KCNC4: variants seen among roughly 807,000 people sequenced by gnomAD.
The protein encoded by KCNC4 is potassium voltage-gated channel subfamily C member 4.
Under a neutral mutation model 42.8 loss-of-function variants are expected in KCNC4, and 23 were observed. The observed-to-expected ratio is 0.54, with a 90% CI of 0.39 to 0.76. The LOEUF is 0.76. KCNC4 is among the 30% of genes least tolerant of loss of function. The pLI is 0.00. For synonymous variants in KCNC4, 422 were observed against 393.5 expected, an observed-to-expected ratio of 1.07 and a Z score of -0.86; for missense variants, 751 against 898.2, an observed-to-expected ratio of 0.84 and a Z score of 2.10.
chr1:110,269,320 A>G (rs547477890), intron 1 of KCNC4, among the ~76,000 whole-genome samples: 2 of 152,172 alleles, frequency 1.3e-5, no homozygotes, highest in Non-Finnish European at 2.9e-5. Context: ...TATACCTTTA[A>G]AGCCAACAAC....
At chr1:110,231,900 G>A (rs912668656) in intron 3 of KCNC4, among the ~76,000 whole-genome samples, 1 of 152,152 alleles carries the variant, frequency 6.6e-6, no homozygotes, top group Non-Finnish European at 1.5e-5. Flanking sequence ...GAGGCACCCC[G>A]AAGCCCAGGA....
chr1:110,268,179 C>A (rs1255977121), intron 1 of KCNC4, among the ~76,000 whole-genome samples: 1 of 152,126 alleles, frequency 6.6e-6, no homozygotes, highest in Non-Finnish European at 1.5e-5. Context: ...AGATAGATGC[C>A]ACCTGGTCTT....
intron 1 of KCNC4, among the ~76,000 whole-genome samples, chr1:110,270,123 A>G (rs1659612633): frequency 6.6e-6 from 1 of 152,182 alleles, no homozygotes; most frequent in Non-Finnish European, 1.5e-5. Flanking sequence ...TCTCACCTGG[A>G]AAAACACTGA....
intron 3 of KCNC4, among the ~76,000 whole-genome samples, chr1:110,230,888 G>A (rs1658659841): frequency 6.6e-6 from 1 of 152,240 alleles, no homozygotes; most frequent in Non-Finnish European, 1.5e-5. Flanking sequence ...GGAAGTGGCT[G>A]CCTGTACAGG....
intron 3 of KCNC4, 98 bp from the exon 4 acceptor site, chr1:110,232,812 CT>C: frequency 6.5e-7 from 1 of 1,548,634 alleles, no homozygotes; most frequent in Non-Finnish European, 8.7e-7. Context: ...TTGTTTCTCC[CT>C]TTCTTTTGCT....
intron 2 of KCNC4, chr1:110,282,961 T>A (rs1659854344): frequency 6.6e-6 from 1 of 152,124 alleles, no homozygotes. Flanking sequence ...GCTGAGTAAT[T>A]TATAAAGAAA....
chr1:110,216,334 G>A (rs1343345216), intron 1 of KCNC4, among the ~76,000 whole-genome samples: 1 of 152,218 alleles, frequency 6.6e-6, no homozygotes, highest in Non-Finnish European at 1.5e-5. Context: ...CTCCCCAGGA[G>A]GGCAGTGCCA....
In KCNC4 at chr1:110,233,191, G is replaced by C. The variant is rs1320791930; in HGVS notation, c.*219G>C. On this transcript the variant is annotated 3_prime_UTR_variant, in exon 4 of 4. Coordinates refer to ENST00000438661, the MANE Select transcript of KCNC4 (RefSeq NM_001039574.3). ...TCGAAGAGATATATATGCACATATA[G>C]TATCTATATTCATACATATTATACT... The C allele has an allele frequency of 1.6e-6, 1 of 610,574 alleles. No homozygotes were observed. The highest frequency in any genetic ancestry group is 2.7e-5 in the East Asian group (1 of 36,544). 37.8% of individuals were successfully genotyped at this position (610,574 alleles called of 1,614,324 possible). A position where few individuals can be genotyped will look rare whatever the true frequency, so the allele number is the denominator to read the frequency against.
chr1:110,223,773 G>C lies in KCNC4; in HGVS notation c.1488G>C (p.Val496=). 1.7e-5 allele frequency: 27 copies of C among 1,614,162 alleles called. No homozygotes were observed. Among genetic ancestry groups the C allele is most frequent in the Non-Finnish European group, 2.2e-5 (26 of 1,180,034 alleles). Residue 496 remains valine, a synonymous_variant, in exon 2 of 4, where the codon GTG becomes GTC. Transcript: ENST00000438661. The surrounding 1 kb of genome is among the most constrained non-coding windows in gnomAD (Gnocchi z 7.5). ...QKLPKKRKKH[V]PRPAQLESPM... ...TGCCCAAGAAACGGAAGAAGCACGT[G>C]CCACGGCCGGCGCAGCTGGAGTCAC...
downstream of KCNC4, chr1:110,237,016 A>G (rs981581105): frequency 6.6e-6 from 1 of 152,070 alleles, no homozygotes; most frequent in African/African-American, 2.4e-5. Flanking sequence ...TGCTATTATA[A>G]ATTTATTACT....
chr1:110,262,167 A>G (rs1659467424), intron 1 of KCNC4, among the ~76,000 whole-genome samples: 1 of 152,238 alleles, frequency 6.6e-6, no homozygotes, highest in African/African-American at 2.4e-5. Flanking sequence ...AGATATAATT[A>G]TATAATAAAT....
At chr1:110,251,402 G>A (rs1659249502), downstream of KCNC4, among the ~76,000 whole-genome samples, 4 of 152,306 alleles carry the variant, frequency 2.6e-5, no homozygotes, top group Admixed American at 2.0e-4. Context: ...ATAAAGGGGA[G>A]TTCCCCTGCA....
At chr1:110,271,724 C>T (rs1659638582) in intron 1 of KCNC4, among the ~76,000 whole-genome samples, 1 of 151,482 alleles carries the variant, frequency 6.6e-6, no homozygotes, top group East Asian at 1.9e-4. Flanking sequence ...AGCAAACAAT[C>T]ATGTGGGGGC....
downstream of KCNC4, among the ~76,000 whole-genome samples, chr1:110,283,603 G>A (rs1346877989): frequency 6.6e-6 from 1 of 152,126 alleles, no homozygotes; most frequent in Non-Finnish European, 1.5e-5. Context: ...AGTTGCCCTA[G>A]GCTTCCTTCA....
At chr1:110,276,592 C>T (rs973017803) in intron 1 of KCNC4, among the ~76,000 whole-genome samples, 3 of 152,128 alleles carry the variant, frequency 2.0e-5, no homozygotes, top group African/African-American at 7.2e-5. Flanking sequence ...ACCTCCTGTG[C>T]CCCACATTCT....
chr1:110,276,195 A>G (rs1388793282), intron 1 of KCNC4, among the ~76,000 whole-genome samples: 2 of 151,196 alleles, frequency 1.3e-5, no homozygotes, highest in South Asian at 2.1e-4. Context: ...CTTAATGGGT[A>G]CAATGTACAT....
At chr1:110,258,608 G>A (rs757578983) in intron 1 of KCNC4, among the ~76,000 whole-genome samples, 2 of 152,148 alleles carry the variant, frequency 1.3e-5, no homozygotes, top group Non-Finnish European at 2.9e-5. Context: ...TTCACAATGA[G>A]AGAAAAACAC....
rs556826337 is a variant in KCNC4, at chr1:110,232,944, C to G, written c.1853C>G (p.Ala618Gly). The G allele has an allele frequency of 3.7e-6, 6 of 1,611,780 alleles. No individual in the cohort carries two copies. In the East Asian group the frequency reaches 6.7e-5, roughly 18 times the overall value. The stretch of plus-strand genomic sequence containing the variant: ...CAAGACGCCCTCTCGTCCAACTATG[C>G]CCAGGCTGAAGTCCTCACCCTCTCT... The part of the protein sequence containing the change: ...TCQDALSSNY[A>G]QAEVLTLS Residue 618 changes from alanine (A) to glycine (G), a missense_variant, in exon 4 of 4, where the codon GCC (alanine) becomes GGC (glycine). Physicochemically the swap from Ala to Gly is moderately conservative, Grantham distance 60. Around this residue, in one of 4 missense-constraint regions of KCNC4, gnomAD observed 202 missense variants for 181.5 expected, o/e 1.11. Transcript: ENST00000438661.
intron 1 of KCNC4, chr1:110,221,969 C>T (rs752157835): frequency 6.6e-6 from 1 of 152,198 alleles, no homozygotes; most frequent in Non-Finnish European, 1.5e-5. Context: ...TAAACCCAGC[C>T]GCCGTTCCTC....
Sources: allele counts gnomAD v4.1 joint callset (sites outside exome capture counted in the v4.1 genomes callset), GRCh38; gene constraint gnomAD v4.1.1; regional missense constraint gnomAD v4.1.1; non-coding constraint Gnocchi (gnomAD v3.1); transcripts MANE v1.5; gene names NCBI Gene and HGNC (gene_info 2026-07-23, HGNC 2026-07-21).